The following APBB2 variants were observed in gnomAD, a reference collection of about 807,000 sequenced individuals.
APBB2 encodes the protein amyloid beta precursor protein binding family B member 2, also known as Fe65-like 1.
APBB2 carries 38 observed loss-of-function variants against 82.5 expected under a neutral mutation model. The ratio of observed to expected loss-of-function variants is 0.46; its 90% CI spans 0.36 to 0.60. The LOEUF is 0.60. APBB2 is among the 20% of genes least tolerant of loss of function. The probability of loss-of-function intolerance (pLI) is 0.00; values close to 1 mark genes in which losing one functional copy is unlikely to be tolerated. For synonymous variants in APBB2, 341 were observed against 368.2 expected (o/e 0.93, Z 0.85); for missense variants, 772 against 972.3 (o/e 0.79, Z 2.74).
chr4:41,146,559 G>A (rs570255663), intron 1 of APBB2, among the ~76,000 whole-genome samples: 1 of 152,192 alleles, frequency 6.6e-6, no homozygotes, highest in South Asian at 2.1e-4. Context: ...ATCCTTCATC[G>A]CTTATGTCCA....
At chr4:40,997,882 A>C (rs1298778223) in intron 6 of APBB2, among the ~76,000 whole-genome samples, 1 of 152,202 alleles carries the variant, frequency 6.6e-6, no homozygotes, top group Non-Finnish European at 1.5e-5. Flanking sequence ...GGTACACATA[A>C]AGTGCTTCCA....
intron 6 of APBB2, among the ~76,000 whole-genome samples, chr4:41,004,552 G>C (rs1806143555): frequency 6.6e-6 from 1 of 152,028 alleles, no homozygotes; most frequent in Admixed American, 6.6e-5. Flanking sequence ...AAAAATGACT[G>C]GCATGTGGCC....
chr4:41,040,943 C>G (rs1012360800), intron 4 of APBB2, among the ~76,000 whole-genome samples: 4 of 152,090 alleles, frequency 2.6e-5, no homozygotes, highest in Non-Finnish European at 4.4e-5. Flanking sequence ...TGCAGTGTCG[C>G]AATCTCGGCT....
intron 6 of APBB2, 34 bp downstream of exon 6, chr4:41,013,549 G>T: frequency 6.6e-7 from 1 of 1,513,866 alleles, no homozygotes; most frequent in Non-Finnish European, 9.0e-7. Flanking sequence ...AAAAAAAAAA[G>T]TGCCAGCTGA....
At chr4:40,963,204 T>C (rs1039183945) in intron 6 of APBB2, among the ~76,000 whole-genome samples, 6 of 152,144 alleles carry the variant, frequency 3.9e-5, no homozygotes, top group South Asian at 2.1e-4. Context: ...GTTCTAAGCA[T>C]CTTCCTCCTC....
At chr4:41,184,287 A>C (rs1042181182) in intron 1 of APBB2, among the ~76,000 whole-genome samples, 4 of 152,192 alleles carry the variant, frequency 2.6e-5, no homozygotes, top group Non-Finnish European at 5.9e-5. Flanking sequence ...TGGGGGTAGA[A>C]GACCCCTGGG....
At chr4:40,885,632 T>C (rs140741015) in intron 12 of APBB2, among the ~76,000 whole-genome samples, 30 of 152,370 alleles carry the variant, frequency 2.0e-4, no homozygotes, top group African/African-American at 6.7e-4. Context: ...AGAAATTTTA[T>C]CTTCATTAGA....
At chr4:41,044,759 C>G (rs1722787542) in intron 4 of APBB2, among the ~76,000 whole-genome samples, 2 of 152,082 alleles carry the variant, frequency 1.3e-5, no homozygotes, top group Non-Finnish European at 2.9e-5. Flanking sequence ...GCCCAAAGGA[C>G]TTTTTCTTTT....
chr4:41,015,159 T>C (rs2041539714), intron 5 of APBB2, among the ~76,000 whole-genome samples: 1 of 152,196 alleles, frequency 6.6e-6, no homozygotes. Flanking sequence ...GACTCAGCTG[T>C]TTGCAGTCAT....
intron 10 of APBB2, among the ~76,000 whole-genome samples, chr4:40,907,379 A>AT (rs55814804): frequency 7.0e-4 from 26 of 37,398 alleles, no homozygotes; most frequent in Non-Finnish European, 9.4e-4. Context: ...ATATATATAT[A>AT]TTTTTTTTTT....
intron 4 of APBB2, among the ~76,000 whole-genome samples, chr4:41,045,359 T>C (rs1723020827): frequency 6.6e-6 from 1 of 152,200 alleles, no homozygotes. Context: ...AGTGGCGTGA[T>C]CTCGGCTCAC....
At chr4:41,149,280 A>AT (rs969154961) in intron 1 of APBB2, among the ~76,000 whole-genome samples, 1 of 152,146 alleles carries the variant, frequency 6.6e-6, no homozygotes, top group African/African-American at 2.4e-5. Context: ...TATTTTAAAG[A>AT]TTAAAAAAAA....
At chr4:41,168,600 A>G (rs1041268902) in intron 1 of APBB2, among the ~76,000 whole-genome samples, 19 of 152,128 alleles carry the variant, frequency 1.2e-4, no homozygotes, top group African/African-American at 4.1e-4. Flanking sequence ...ATTTTACAAA[A>G]GTATTGGTCT....
chr4:40,842,558 A>G, intron 12 of APBB2: 1 of 257,488 alleles, frequency 3.9e-6, no homozygotes. Flanking sequence ...ATCACCCAGA[A>G]GTGTGTATTT....
At chr4:41,033,588 A>ACACT (rs1717918311) in intron 4 of APBB2, among the ~76,000 whole-genome samples, 1 of 79,238 alleles carries the variant, frequency 1.3e-5, no homozygotes, top group Non-Finnish European at 3.1e-5. Context: ...TTCTCATCAC[A>ACACT]CACACACACA....
At chr4:41,025,872 G>A (rs113129013) in intron 5 of APBB2, among the ~76,000 whole-genome samples, 2 of 146,426 alleles carry the variant, frequency 1.4e-5, no homozygotes, top group Non-Finnish European at 3.0e-5. Context: ...GGGTTGGGGG[G>A]TGGAGGTGGC....
At chr4:40,930,758 T>C (rs1469508246) in intron 10 of APBB2, among the ~76,000 whole-genome samples, 2 of 152,224 alleles carry the variant, frequency 1.3e-5, no homozygotes, top group Non-Finnish European at 2.9e-5. Context: ...TTTATTTATT[T>C]ATTTTTTGAG....
chr4:40,857,073 T>C (rs6857079), intron 12 of APBB2: 165,610 of 985,418 alleles, frequency 0.17, 14,061 homozygotes, highest in African/African-American at 0.2. Context: ...CCGCCCCAGG[T>C]GCTACGACAA....
intron 12 of APBB2, chr4:40,857,224 T>G (rs1761540776): frequency 1.0e-6 from 1 of 974,468 alleles, no homozygotes; most frequent in Non-Finnish European, 1.2e-6. Flanking sequence ...CATTGGCTGC[T>G]GGGGAGGCGC....
Sources: allele counts gnomAD v4.1 joint callset (sites outside exome capture counted in the v4.1 genomes callset), GRCh38; gene constraint gnomAD v4.1.1; transcripts MANE v1.5; gene names NCBI Gene and HGNC (gene_info 2026-07-23, HGNC 2026-07-21).